Variants in HS3ST3A1 observed in about 807,000 individuals in gnomAD.
The protein encoded by HS3ST3A1 is heparan sulfate glucosamine 3-O-sulfotransferase 3A1.
In HS3ST3A1, 19 loss-of-function variants were observed where a neutral mutation model predicts 25.7. The ratio of observed to expected loss-of-function variants is 0.74; its 90% CI spans 0.52 to 1.08. HS3ST3A1 has a LOEUF of 1.08. Among genes scored for constraint, HS3ST3A1 ranks in the 50% least tolerant of loss-of-function variants. The probability of loss-of-function intolerance (pLI) is 0.00; values close to 1 mark genes in which losing one functional copy is unlikely to be tolerated. For synonymous variants in HS3ST3A1, 226 were observed against 278.6 expected, an observed-to-expected ratio of 0.81 and a Z score of 1.88; for missense variants, 459 against 594.3, an observed-to-expected ratio of 0.77 and a Z score of 2.37.
intron 1 of HS3ST3A1, among the ~76,000 whole-genome samples, chr17:13,565,012 G>A (rs950236853): frequency 1.3e-5 from 2 of 152,032 alleles, no homozygotes; most frequent in Admixed American, 6.5e-5. Flanking sequence ...ATGAGCCATC[G>A]TGCCTGGATG....
chr17:13,582,058 C>T (rs1367024523), intron 1 of HS3ST3A1, among the ~76,000 whole-genome samples: 1 of 152,032 alleles, frequency 6.6e-6, no homozygotes, highest in East Asian at 1.9e-4. Context: ...CAAAAAAAGA[C>T]TTTCCTGGCA....
At chr17:13,503,516 A>G (rs1236015426) in intron 1 of HS3ST3A1, among the ~76,000 whole-genome samples, 1 of 152,234 alleles carries the variant, frequency 6.6e-6, no homozygotes, top group Non-Finnish European at 1.5e-5. Flanking sequence ...CATTGTATAT[A>G]TATTGAAATA....
At chr17:13,525,544 TACTC>T (rs1299332067) in intron 1 of HS3ST3A1, among the ~76,000 whole-genome samples, 3 of 152,214 alleles carry the variant, frequency 2.0e-5, no homozygotes, top group African/African-American at 7.2e-5. Context: ...TTTTGCATGA[TACTC>T]AGTTAACCTT....
At chr17:13,561,130 A>G (rs1305887723) in intron 1 of HS3ST3A1, among the ~76,000 whole-genome samples, 1 of 152,130 alleles carries the variant, frequency 6.6e-6, no homozygotes, top group Non-Finnish European at 1.5e-5. Flanking sequence ...CCTCAGACCA[A>G]TAAAAGTAGA....
intron 1 of HS3ST3A1, among the ~76,000 whole-genome samples, chr17:13,598,787 C>T (rs909491375): frequency 2.0e-5 from 3 of 152,060 alleles, no homozygotes; most frequent in African/African-American, 4.8e-5. Context: ...TGCAGATACA[C>T]CGTGCCCTCA....
At chr17:13,500,229 GTTCT>G (rs1433496968) in intron 1 of HS3ST3A1, among the ~76,000 whole-genome samples, 1 of 152,136 alleles carries the variant, frequency 6.6e-6, no homozygotes. Context: ...CTTGGAAATT[GTTCT>G]TCTTTACCTG....
chr17:13,524,954 A>G (rs1906363267), intron 1 of HS3ST3A1, among the ~76,000 whole-genome samples: 1 of 152,216 alleles, frequency 6.6e-6, no homozygotes, highest in Non-Finnish European at 1.5e-5. Context: ...ACCCTTGATT[A>G]TTAAAAATAG....
At chr17:13,594,901 A>C (rs1908533945) in intron 1 of HS3ST3A1, among the ~76,000 whole-genome samples, 1 of 151,854 alleles carries the variant, frequency 6.6e-6, no homozygotes, top group Non-Finnish European at 1.5e-5. Context: ...TATCATGATG[A>C]GGTTTTTCAA....
chr17:13,587,866 T>A (rs572778024), intron 1 of HS3ST3A1, among the ~76,000 whole-genome samples: 6 of 152,294 alleles, frequency 3.9e-5, no homozygotes, highest in Non-Finnish European at 7.3e-5. Context: ...AAAATACAGG[T>A]CACTGGCATG....
At chr17:13,522,918 C>T (rs1483221805) in intron 1 of HS3ST3A1, among the ~76,000 whole-genome samples, 1 of 150,992 alleles carries the variant, frequency 6.6e-6, no homozygotes. Context: ...CAGTTTTGGC[C>T]ATAAGTTTGT....
chr17:13,508,047 T>TCA (rs1905741390), intron 1 of HS3ST3A1, among the ~76,000 whole-genome samples: 1 of 152,178 alleles, frequency 6.6e-6, no homozygotes, highest in Non-Finnish European at 1.5e-5. Flanking sequence ...GAGGAAGACT[T>TCA]ATATTTTTGA....
chr17:13,531,605 A>G (rs1239416131), intron 1 of HS3ST3A1, among the ~76,000 whole-genome samples: 3 of 137,020 alleles, frequency 2.2e-5, no homozygotes, highest in Non-Finnish European at 4.6e-5. Flanking sequence ...ATCTTGGCCC[A>G]GACTAAGCAA....
At chr17:13,497,910 G>A (rs988780464) in intron 1 of HS3ST3A1, among the ~76,000 whole-genome samples, 14 of 152,130 alleles carry the variant, frequency 9.2e-5, no homozygotes, top group Admixed American at 4.6e-4. Context: ...CATCTGCAAG[G>A]AAAAGATACA....
In HS3ST3A1 at chr17:13,549,539, A is replaced by T. The variant is rs1981629; in HGVS notation, c.599+50992T>A. Among the ~76,000 whole-genome samples, 5 of 152,004 alleles carry T rather than the reference A, an allele frequency of 3.3e-5. No individual in the cohort carries two copies. The East Asian group carries it at 9.7e-4, about 30-fold the overall frequency. ...TCCTCTTGCCGCATTCCTTTGTTCC[A>T]CCGCTGTTCGACAATCCTCTGACCT... On this transcript the variant is annotated intron_variant, in intron 1 of 1. Coordinates refer to ENST00000284110, the MANE Select transcript of HS3ST3A1 (RefSeq NM_006042.3).
intron 1 of HS3ST3A1, among the ~76,000 whole-genome samples, chr17:13,510,148 C>T (rs1239398845): frequency 6.6e-6 from 1 of 152,212 alleles, no homozygotes; most frequent in Non-Finnish European, 1.5e-5. Context: ...CAAGGGCAGG[C>T]CCCTCTCCTG....
intron 1 of HS3ST3A1, among the ~76,000 whole-genome samples, chr17:13,544,943 G>A (rs1907042708): frequency 6.6e-6 from 1 of 152,156 alleles, no homozygotes; most frequent in Admixed American, 6.6e-5. Flanking sequence ...AGGCAAGTTG[G>A]GCAATTCCCC....
chr17:13,591,497 A>G (rs1254196279), intron 1 of HS3ST3A1, among the ~76,000 whole-genome samples: 1 of 152,222 alleles, frequency 6.6e-6, no homozygotes, highest in Non-Finnish European at 1.5e-5. Flanking sequence ...TTCTGTGATC[A>G]GACAACTTCT....
intron 1 of HS3ST3A1, among the ~76,000 whole-genome samples, chr17:13,512,046 C>T (rs1397764519): frequency 2.6e-5 from 4 of 152,122 alleles, no homozygotes; most frequent in African/African-American, 9.7e-5. Context: ...GGCCCACAGG[C>T]CAACACCAGC....
In HS3ST3A1 at chr17:13,600,830, C is replaced by G. The variant is rs1908709864; in HGVS notation, c.300G>C (p.Arg100=). The G allele has an allele frequency of 1.3e-5, 19 of 1,414,914 alleles. No homozygotes were observed. Among genetic ancestry groups the G allele is most frequent in the Non-Finnish European group, 1.7e-5 (19 of 1,096,936 alleles). The allele number at this position is 1,414,914 out of a possible 1,614,324, so 87.6% of individuals were successfully genotyped here. ...LLQLPQWRRR[R]PPAPRDDGEE... Reference sequence around the variant, plus strand: ...CGCCGTCGTCGCGGGGCGCGGGCGGCCGGCGCCTCCGCCACTGCGGCAGTT... The same window carrying G: ...CGCCGTCGTCGCGGGGCGCGGGCGGGCGGCGCCTCCGCCACTGCGGCAGTT... The change falls in exon 1 of 2, where the codon CGG becomes CGC. Residue 100 remains arginine (R), a synonymous_variant. Transcript: ENST00000284110.
Sources: gnomAD v4.1 joint callset for allele counts (sites outside exome capture counted in the v4.1 genomes callset) on GRCh38, gnomAD v4.1.1 for gene constraint, MANE v1.5 for transcripts, NCBI Gene and HGNC (gene_info 2026-07-23, HGNC 2026-07-21) for gene names.